The following HECW1 variants were observed in gnomAD, a reference collection of about 807,000 sequenced individuals.
The protein encoded by HECW1 is HECT, C2 and WW domain containing E3 ubiquitin protein ligase 1, also known as E3 ubiquitin-protein ligase HECW1.
Under a neutral mutation model 182.3 loss-of-function variants are expected in HECW1, and 61 were observed. The ratio of observed to expected loss-of-function variants is 0.33; its 90% CI spans 0.27 to 0.41. The LOEUF (loss-of-function observed/expected upper bound fraction) is 0.41. HECW1 is among the 10% of genes least tolerant of loss of function. The pLI is 1.00. For missense variants in HECW1, 1,739 were observed against 2,108.9 expected, an observed-to-expected ratio of 0.82 and a Z score of 3.44; for synonymous variants, 859 against 832.6, an observed-to-expected ratio of 1.03 and a Z score of -0.55.
chr7:43,389,619 C>CTGTTGT (rs78728195), intron 6 of HECW1, among the ~76,000 whole-genome samples: 84 of 151,528 alleles, frequency 5.5e-4, no homozygotes, highest in Middle Eastern at 3.4e-3. Flanking sequence ...ATTGTTGTTG[C>CTGTTGT]TGTTGTTGTT....
chr7:43,506,207 A>G (rs2079570712), intron 21 of HECW1, among the ~76,000 whole-genome samples: 1 of 152,172 alleles, frequency 6.6e-6, no homozygotes, highest in Admixed American at 6.5e-5. Context: ...GTGTACAGGT[A>G]TGTTTATTTG....
chr7:43,453,803 T>C (rs776113478), intron 12 of HECW1, among the ~76,000 whole-genome samples: 1 of 152,210 alleles, frequency 6.6e-6, no homozygotes, highest in African/African-American at 2.4e-5. Flanking sequence ...CAGGTGGCTC[T>C]TTAGACAAAC....
At chr7:43,237,839 C>A (rs531686733) in intron 2 of HECW1, among the ~76,000 whole-genome samples, 2 of 146,146 alleles carry the variant, frequency 1.4e-5, no homozygotes, top group African/African-American at 2.6e-5. Context: ...CTTTCCCCCC[C>A]GCCGCCCCCA....
intron 2 of HECW1, among the ~76,000 whole-genome samples, chr7:43,213,749 A>C (rs2152697011): frequency 6.6e-6 from 1 of 152,198 alleles, no homozygotes; most frequent in South Asian, 2.1e-4. Flanking sequence ...CCAGCCAATA[A>C]TTTTTTTAAA....
intron 2 of HECW1, chr7:43,239,228 C>G (rs1798654922): frequency 6.6e-6 from 1 of 152,200 alleles, no homozygotes; most frequent in Non-Finnish European, 1.5e-5. Flanking sequence ...CTCTTGGGCT[C>G]TTGCAACAAA....
At chr7:43,214,541 T>A (rs1796277071) in intron 2 of HECW1, among the ~76,000 whole-genome samples, 1 of 152,240 alleles carries the variant, frequency 6.6e-6, no homozygotes, top group Non-Finnish European at 1.5e-5. Flanking sequence ...GCAACGCTAC[T>A]TTCCCCTGCC....
intron 24 of HECW1, among the ~76,000 whole-genome samples, chr7:43,529,478 C>T (rs1357021836): frequency 6.6e-6 from 1 of 152,150 alleles, no homozygotes; most frequent in Non-Finnish European, 1.5e-5. Context: ...AAATCACACT[C>T]CCTGACCTCA....
At chr7:43,500,850 C>T (rs933484179) in intron 20 of HECW1, 68 bp downstream of exon 20, 10 of 1,298,080 alleles carry the variant, frequency 7.7e-6, no homozygotes, top group Non-Finnish European at 1.0e-5. Context: ...TCACGGCCAC[C>T]CTGAAAATGG....
intron 6 of HECW1, among the ~76,000 whole-genome samples, chr7:43,380,024 C>CA (rs1311366777): frequency 6.6e-6 from 1 of 152,214 alleles, no homozygotes; most frequent in Non-Finnish European, 1.5e-5. Flanking sequence ...TTCCCTGGCT[C>CA]AGCCACTTAA....
intron 19 of HECW1, among the ~76,000 whole-genome samples, chr7:43,497,928 G>T (rs980155002): frequency 2.0e-5 from 3 of 152,150 alleles, no homozygotes; most frequent in African/African-American, 7.2e-5. Context: ...GCCACAAGCG[G>T]CTTCAAATGT....
At chr7:43,261,696 C>T (rs1562750744) in intron 3 of HECW1, among the ~76,000 whole-genome samples, 2 of 152,040 alleles carry the variant, frequency 1.3e-5, no homozygotes, top group Non-Finnish European at 2.9e-5. Context: ...TGTTATTTAC[C>T]AAGTGGCTAC....
chr7:43,221,553 T>G (rs892793109), intron 2 of HECW1, among the ~76,000 whole-genome samples: 4 of 67,122 alleles, frequency 6.0e-5, no homozygotes, highest in African/African-American at 9.7e-5. Context: ...TTTTTTTTTT[T>G]TTTTTTTTTT....
intron 3 of HECW1, among the ~76,000 whole-genome samples, chr7:43,280,271 A>G (rs1198444588): frequency 1.3e-5 from 2 of 152,184 alleles, no homozygotes; most frequent in Non-Finnish European, 2.9e-5. Flanking sequence ...ATCGTGCAGG[A>G]GTGCAGGGTC....
chr7:43,267,426 A>T (rs530188573), intron 3 of HECW1, among the ~76,000 whole-genome samples: 1 of 152,258 alleles, frequency 6.6e-6, no homozygotes, highest in African/African-American at 2.4e-5. Context: ...ATTATACATT[A>T]AAACTTAGCA....
intron 8 of HECW1, among the ~76,000 whole-genome samples, chr7:43,434,382 T>G (rs1209006191): frequency 6.6e-6 from 1 of 152,198 alleles, no homozygotes; most frequent in Non-Finnish European, 1.5e-5. Flanking sequence ...GGCCTTCTTT[T>G]CCCATTCTAC....
intron 4 of HECW1, among the ~76,000 whole-genome samples, chr7:43,315,167 C>T (rs1211657737): frequency 6.6e-6 from 1 of 152,204 alleles, no homozygotes; most frequent in Non-Finnish European, 1.5e-5. Context: ...TGAAGTGTGG[C>T]TGCTGATTTA....
At chr7:43,512,202 C>A (rs573171138) in intron 24 of HECW1, 15 of 223,810 alleles carry the variant, frequency 6.7e-5, no homozygotes, top group African/African-American at 3.1e-4. Context: ...ACAAGGCTTT[C>A]TATGGGCACA....
chr7:43,338,796 G>C (rs1457731752), intron 5 of HECW1, among the ~76,000 whole-genome samples: 2 of 150,964 alleles, frequency 1.3e-5, no homozygotes, highest in Non-Finnish European at 2.9e-5. Flanking sequence ...TCACACATCT[G>C]TGTTTCTGTC....
chr7:43,562,664 AG>A lies in HECW1; in HGVS notation c.*743del. 1 of 225,752 alleles carries A rather than the reference AG, an allele frequency of 4.4e-6. No individual in the cohort carries two copies. The highest frequency in any genetic ancestry group is 8.8e-6 in the Non-Finnish European group (1 of 112,996). The allele number at this position is 225,752 out of a possible 1,614,324, so 14.0% of individuals were successfully genotyped here. ...GGGCTCAACTCAAGAGAAGTTTAGG[AG>A]GGGGAGCATCCCTAGTGAATACTCA... On this transcript the variant is annotated 3_prime_UTR_variant, in exon 30 of 30. Coordinates refer to ENST00000395891, the MANE Select transcript of HECW1 (RefSeq NM_015052.5).
Sources: allele counts gnomAD v4.1 joint callset (sites outside exome capture counted in the v4.1 genomes callset), GRCh38; gene constraint gnomAD v4.1.1; transcripts MANE v1.5; gene names NCBI Gene and HGNC (gene_info 2026-07-23, HGNC 2026-07-21).